Variants in GLI3 observed in about 807,000 individuals in gnomAD.
The protein encoded by GLI3 is transcription activator GLI3.
Under a neutral mutation model 100.8 loss-of-function variants are expected in GLI3, and 20 were observed. The ratio of observed to expected loss-of-function variants is 0.20; its 90% confidence interval spans 0.14 to 0.29. GLI3 has a LOEUF of 0.29. GLI3 is among the 10% of genes least tolerant of loss of function. The pLI, the probability that GLI3 is intolerant of heterozygous loss-of-function variation, is 1.00. For synonymous variants in GLI3, 938 were observed against 860.5 expected (o/e 1.09, Z -1.58); for missense variants, 2,040 against 2,128.5 (o/e 0.96, Z 0.82).
intron 2 of GLI3, among the ~76,000 whole-genome samples, chr7:42,172,117 G>A (rs1190576510): frequency 6.6e-6 from 1 of 152,026 alleles, no homozygotes; most frequent in Non-Finnish European, 1.5e-5. Flanking sequence ...CTTAAACATA[G>A]TGACATGGGA....
At position 41,966,561 on chromosome 7, in the gene GLI3, C is replaced by A; in HGVS notation, c.2512G>T (p.Val838Phe). 1 of 1,614,046 alleles carries A rather than the reference C, an allele frequency of 6.2e-7. No individual in the cohort carries two copies. The highest frequency in any genetic ancestry group is 8.5e-7 in the Non-Finnish European group (1 of 1,180,014). The change falls in exon 15 of 15, where the codon GTC (valine) becomes TTC (phenylalanine). Residue 838 changes from valine to phenylalanine, a missense_variant. This residue lies in a region of GLI3 where 327 missense variants were observed against 338.7 expected (regional missense o/e 0.97). Transcript: ENST00000395925. The surrounding 1 kb of genome is among the most constrained non-coding windows in gnomAD (Gnocchi z 5.8). The part of the protein sequence containing the change: ...PGRSDLSGVD[V>F]TMLNMLNRRD... ...CTGTTGAGCATGTTCAGCATAGTGA[C>A]GTCCACCCCAGAGAGGTCGCTTCTG...
chr7:42,151,890 T>C (rs930776776), intron 2 of GLI3: 9 of 151,508 alleles, frequency 5.9e-5, no homozygotes, highest in Non-Finnish European at 1.2e-4. Flanking sequence ...TTCTTGGTGC[T>C]AGAAACTCAG....
intron 3 of GLI3, among the ~76,000 whole-genome samples, chr7:42,097,324 A>G (rs1332902461): frequency 2.0e-5 from 3 of 152,212 alleles, no homozygotes; most frequent in African/African-American, 7.2e-5. Flanking sequence ...CAGCCACCCT[A>G]TTAGAGACAG....
chr7:42,106,155 G>T (rs1785569536), intron 3 of GLI3, among the ~76,000 whole-genome samples: 1 of 152,156 alleles, frequency 6.6e-6, no homozygotes, highest in South Asian at 2.1e-4. Flanking sequence ...TTCCGTAATT[G>T]GGCAGCCTGG....
chr7:41,987,083 T>TACACAGACACAG (rs200962884), intron 10 of GLI3, among the ~76,000 whole-genome samples: 3 of 130,002 alleles, frequency 2.3e-5, no homozygotes, highest in Non-Finnish European at 3.3e-5. Flanking sequence ...TGCTACAACA[T>TACACAGACACAG]ACACAGACAC....
chr7:42,100,393 T>C (rs542271557), intron 3 of GLI3, among the ~76,000 whole-genome samples: 1 of 152,320 alleles, frequency 6.6e-6, no homozygotes, highest in South Asian at 2.1e-4. Context: ...TCAGGTTAGA[T>C]GAGGTCATTA....
chr7:41,976,528 T>C (rs544022607), intron 12 of GLI3, among the ~76,000 whole-genome samples: 4 of 152,332 alleles, frequency 2.6e-5, no homozygotes, highest in African/African-American at 9.6e-5. Flanking sequence ...TCTATCAAGA[T>C]TCTCTCTGCC....
upstream of GLI3, among the ~76,000 whole-genome samples, chr7:42,239,161 C>A (rs1219979909): frequency 6.6e-6 from 1 of 152,160 alleles, no homozygotes; most frequent in Non-Finnish European, 1.5e-5. Context: ...CTCGACCTCA[C>A]GGCTCAGGAA....
chr7:42,214,174 T>C (rs1788326866), intron 2 of GLI3, among the ~76,000 whole-genome samples: 1 of 152,206 alleles, frequency 6.6e-6, no homozygotes, highest in Non-Finnish European at 1.5e-5. Context: ...AATTATCCCA[T>C]GACGGCAGAT....
At chr7:42,079,808 T>G (rs780971536) in intron 3 of GLI3, among the ~76,000 whole-genome samples, 1 of 152,222 alleles carries the variant, frequency 6.6e-6, no homozygotes, top group Non-Finnish European at 1.5e-5. Flanking sequence ...GTTTTCTCTA[T>G]GTGGGTGCAA....
chr7:42,062,406 G>A (rs999473521), intron 4 of GLI3, among the ~76,000 whole-genome samples: 1 of 152,004 alleles, frequency 6.6e-6, no homozygotes, highest in Non-Finnish European at 1.5e-5. Flanking sequence ...AGCAACTTAT[G>A]TCCTCTCTGG....
At chr7:41,982,975 C>T (rs1367836407) in intron 10 of GLI3, among the ~76,000 whole-genome samples, 1 of 152,208 alleles carries the variant, frequency 6.6e-6, no homozygotes, top group Non-Finnish European at 1.5e-5. Context: ...GGGCTGTAAG[C>T]AGCCACAGAC....
intron 3 of GLI3, among the ~76,000 whole-genome samples, chr7:42,079,747 T>C (rs1013154678): frequency 3.3e-5 from 5 of 152,212 alleles, no homozygotes; most frequent in Non-Finnish European, 7.3e-5. Flanking sequence ...TTGGCTGTGT[T>C]CTGCATGATG....
At chr7:42,106,002 G>A (rs921497494) in intron 3 of GLI3, among the ~76,000 whole-genome samples, 7 of 152,100 alleles carry the variant, frequency 4.6e-5, no homozygotes, top group Non-Finnish European at 8.8e-5. Flanking sequence ...GCCCCTAAAG[G>A]TTTCTCTCAT....
At chr7:41,996,238 C>T (rs1479710042) in intron 10 of GLI3, among the ~76,000 whole-genome samples, 1 of 152,120 alleles carries the variant, frequency 6.6e-6, no homozygotes, top group Admixed American at 6.5e-5. Context: ...AATGAACTGG[C>T]TAATTTTCCT....
intron 2 of GLI3, among the ~76,000 whole-genome samples, chr7:42,163,415 C>T (rs557451851): frequency 4.2e-4 from 63 of 151,724 alleles, no homozygotes; most frequent in African/African-American, 1.5e-3. Context: ...TCTAATGAAC[C>T]ATCTCTATTT....
At chr7:42,234,622 G>A (rs1435300937) in intron 1 of GLI3, among the ~76,000 whole-genome samples, 2 of 152,268 alleles carry the variant, frequency 1.3e-5, no homozygotes, top group East Asian at 3.9e-4. Context: ...GCATGTTAAA[G>A]GCACTGGGAA....
chr7:42,171,531 G>C (rs891934250), intron 2 of GLI3, among the ~76,000 whole-genome samples: 2 of 152,148 alleles, frequency 1.3e-5, no homozygotes, highest in African/African-American at 4.8e-5. Context: ...ATTTTGCTAT[G>C]TTCTTCAATA....
intron 3 of GLI3, among the ~76,000 whole-genome samples, chr7:42,104,604 T>G (rs1258465753): frequency 6.6e-6 from 1 of 152,186 alleles, no homozygotes; most frequent in Non-Finnish European, 1.5e-5. Context: ...ACTCTTGGCT[T>G]AAAAAAGGTT....
Sources: allele counts gnomAD v4.1 joint callset (sites outside exome capture counted in the v4.1 genomes callset), GRCh38; gene constraint gnomAD v4.1.1; regional missense constraint gnomAD v4.1.1; non-coding constraint Gnocchi (gnomAD v3.1); transcripts MANE v1.5; gene names NCBI Gene and HGNC (gene_info 2026-07-23, HGNC 2026-07-21).